The following PDCD1 variants were observed in gnomAD, a reference collection of about 807,000 sequenced individuals.
PDCD1 encodes the protein programmed cell death protein 1.
PDCD1 carries 10 observed loss-of-function variants against 23.6 expected under a neutral mutation model. That is an observed-to-expected ratio of 0.42 (90% CI 0.26 to 0.72). The LOEUF (loss-of-function observed/expected upper bound fraction) is 0.72. PDCD1 is among the 30% of genes least tolerant of loss of function. The pLI, the probability that PDCD1 is intolerant of heterozygous loss-of-function variation, is 0.24. For synonymous variants in PDCD1, 168 were observed against 169.3 expected (o/e 0.99, Z 0.06); for missense variants, 313 against 397.8 (o/e 0.79, Z 1.81).
intron 1 of PDCD1, among the ~76,000 whole-genome samples, chr2:241,854,534 A>G (rs1328083962): frequency 6.6e-6 from 1 of 152,172 alleles, no homozygotes; most frequent in East Asian, 1.9e-4. Context: ...GCACTCAGAG[A>G]CCTGCCTGAA....
In PDCD1 at chr2:241,852,753, T is replaced by C. The variant is rs758440285; in HGVS notation, c.304A>G (p.Asn102Asp). The change falls in exon 2 of 5, where the codon AAC becomes GAC. Residue 102 changes from asparagine (N) to aspartate (D), a missense_variant. By Grantham distance (23) the Asn-to-Asp change is conservative (BLOSUM62 1). Around this residue, in one of 3 missense-constraint regions of PDCD1, gnomAD observed 135 missense variants for 166.9 expected, o/e 0.81. Transcript: ENST00000334409. ...DCRFRVTQLP[N>D]GRDFHMSVVR... Reference sequence around the variant, plus strand: ...ACGCTCATGTGGAAGTCACGCCCGTTGGGCAGTTGTGTGACACGGAAGCGG... The same window carrying C: ...ACGCTCATGTGGAAGTCACGCCCGTCGGGCAGTTGTGTGACACGGAAGCGG... 2.5e-6 allele frequency: 4 copies of C among 1,613,970 alleles called. No individual in the cohort carries two copies. The South Asian group carries it at 4.4e-5, about 18-fold the overall frequency.
In PDCD1 at chr2:241,858,887, A is replaced by AGGTGAGC; in HGVS notation, c.-56_-50dup. Reference sequence around the variant, plus strand: ...GCCGCCTTCTCCACTGCTCAGGCGGAGGTGAGCGGAAGGGAAACTGTCCCA... The same window carrying AGGTGAGC: ...GCCGCCTTCTCCACTGCTCAGGCGGAGGTGAGCGGTGAGCGGAAGGGAAACTGTCCCA... On this transcript the variant is annotated 5_prime_UTR_variant, in exon 1 of 5. Transcript: ENST00000334409. 1 of 1,485,330 alleles carries AGGTGAGC rather than the reference A, an allele frequency of 6.7e-7. No homozygotes were observed. Among genetic ancestry groups the AGGTGAGC allele is most frequent in the Non-Finnish European group, 9.2e-7 (1 of 1,088,916 alleles). 92.0% of individuals were successfully genotyped at this position (1,485,330 alleles called of 1,614,324 possible).
chr2:241,858,860 G>A lies in PDCD1; in HGVS notation c.-22C>T, dbSNP rs760812743. The A allele has an allele frequency of 1.1e-5, 17 of 1,556,646 alleles. No individual in the cohort carries two copies. In the African/African-American group the frequency reaches 2.3e-4, roughly 21 times the overall value. On this transcript the variant is annotated 5_prime_UTR_variant, in exon 1 of 5. Transcript: ENST00000334409. ...GCATGCCTGGAGCAGCCCCACCAGA[G>A]TGCCGCCTTCTCCACTGCTCAGGCG... is the stretch of plus-strand genomic sequence containing the variant.
In PDCD1 at chr2:241,850,995, G is replaced by A. The variant is rs1575398902; in HGVS notation, c.*63C>T. On this transcript the variant is annotated 3_prime_UTR_variant, in exon 5 of 5. Coordinates refer to ENST00000334409, the MANE Select transcript of PDCD1 (RefSeq NM_005018.3). ...CTGCACCCTGCCTGCTTCTCCTGAGGAAATGCGCTGACCCGGGCTCATGGT... is the reference window on the plus strand; with the variant it reads ...CTGCACCCTGCCTGCTTCTCCTGAGAAAATGCGCTGACCCGGGCTCATGGT... 1.3e-6 allele frequency: 2 copies of A among 1,554,400 alleles called. No individual in the cohort carries two copies. The highest frequency in any genetic ancestry group is 1.7e-6 in the Non-Finnish European group (2 of 1,148,732).
In PDCD1 at chr2:241,850,602, C is replaced by T. The variant is rs55869797; in HGVS notation, c.*456G>A. 2.5e-3 allele frequency: 1,086 copies of T among 435,452 alleles called. 13 individuals are homozygous for T. The highest frequency in any genetic ancestry group is 0.02 in the African/African-American group (1,013 of 50,956). 27.0% of individuals were successfully genotyped at this position (435,452 alleles called of 1,614,324 possible). On this transcript the variant is annotated 3_prime_UTR_variant, in exon 5 of 5. Transcript: ENST00000334409. The stretch of plus-strand genomic sequence containing the variant: ...CTTGGGCCCTGCGTCCAGGGCGTTT[C>T]GGGATGCCACTGCCAGGGGCACCTT...
rs923526460 is a variant in PDCD1 at position 241,850,083 on chromosome 2, T to G, written c.*975A>C. 1.3e-5 allele frequency: 3 copies of G among 227,748 alleles called. No individual in the cohort carries two copies. The highest frequency in any genetic ancestry group is 4.5e-5 in the African/African-American group (2 of 44,942). The allele number at this position is 227,748 out of a possible 1,614,324, so 14.1% of individuals were successfully genotyped here. On this transcript the variant is annotated 3_prime_UTR_variant, in exon 5 of 5. Coordinates refer to ENST00000334409, the MANE Select transcript of PDCD1 (RefSeq NM_005018.3). ...TAGGCCCCGGGGGAACGCCTGTACC[T>G]TCCCACCCAGGCCCTGGTGGGAGCC...
chr2:241,858,808 C>T lies in PDCD1; in HGVS notation c.31G>A (p.Val11Ile), dbSNP rs142544044. The T allele has an allele frequency of 8.6e-5, 137 of 1,590,134 alleles. No homozygotes were observed. Among genetic ancestry groups the T allele is most frequent in the African/African-American group, 1.3e-4 (10 of 74,610 alleles). Residue 11 changes from valine to isoleucine, a missense_variant, in exon 1 of 5, where the codon GTC becomes ATC. Physicochemically the swap from Val to Ile is conservative, Grantham distance 29. This residue lies in a region of PDCD1 where 135 missense variants were observed against 166.9 expected (regional missense o/e 0.81). Coordinates refer to ENST00000334409, the MANE Select transcript of PDCD1 (RefSeq NM_005018.3). The part of the protein sequence containing the change: MQIPQAPWPV[V>I]WAVLQLGWRP... ...CAGCCCAGTTGTAGCACCGCCCAGA[C>T]GACTGGCCAGGGCGCCTGTGGGATC...
chr2:241,857,366 G>C (rs948407594), intron 1 of PDCD1, among the ~76,000 whole-genome samples: 2 of 152,202 alleles, frequency 1.3e-5, no homozygotes, highest in Non-Finnish European at 2.9e-5. Context: ...TGAGGCACGA[G>C]TGTCAGGCTG....
intron 1 of PDCD1, among the ~76,000 whole-genome samples, chr2:241,853,436 A>G (rs1400407499): frequency 6.6e-6 from 1 of 152,248 alleles, no homozygotes. Flanking sequence ...GCCCCTTGGC[A>G]GGCTCAGGGT....
At chr2:241,852,167 AG>A (rs1700916129) in intron 3 of PDCD1, 30 bp downstream of exon 3, 1 of 1,598,554 alleles carries the variant, frequency 6.3e-7, no homozygotes. Flanking sequence ...GGGTTAGGGC[AG>A]GGCAGGCCGA....
chr2:241,852,361 G>A lies in PDCD1; in HGVS notation c.437-8C>T, dbSNP rs760386033. ...GCACTTCTGCCCTTCTCTCTGGAAG[G>A]GCACAAAGGTCAGGGGTTAGGACGG... On this transcript the variant is annotated splice_region_variant and splice_polypyrimidine_tract_variant and intron_variant, in intron 2 of 4. Transcript: ENST00000334409. The A allele has an allele frequency of 1.0e-5, 16 of 1,553,738 alleles. No homozygotes were observed. In the African/African-American group the frequency reaches 1.9e-4, roughly 19 times the overall value.
chr2:241,856,308 C>T (rs1701026205), intron 1 of PDCD1, among the ~76,000 whole-genome samples: 1 of 152,068 alleles, frequency 6.6e-6, no homozygotes, highest in Admixed American at 6.5e-5. Flanking sequence ...CCATCCTGCA[C>T]GTCCAGCCCT....
At chr2:241,854,951 G>C (rs1575401574) in intron 1 of PDCD1, among the ~76,000 whole-genome samples, 3 of 152,346 alleles carry the variant, frequency 2.0e-5, no homozygotes, top group African/African-American at 7.2e-5. Flanking sequence ...TCTGTGCATT[G>C]TTCTTGTAAC....
At position 241,858,781 on chromosome 2, in the gene PDCD1, G is replaced by A. The variant is rs866653159; in HGVS notation, c.58C>T (p.Arg20Trp). 14 of 1,592,314 alleles carry A rather than the reference G, an allele frequency of 8.8e-6. No individual in the cohort carries two copies. In the South Asian group the frequency reaches 1.1e-4, roughly 13 times the overall value. Residue 20 changes from arginine to tryptophan, a missense_variant, in exon 1 of 5, where the codon CGG becomes TGG. By Grantham distance (101) the Arg-to-Trp change is moderately radical. Transcript: ENST00000334409. ...VVWAVLQLGWRPGWFLDSPDR... is the reference protein window; with the variant it reads ...VVWAVLQLGWWPGWFLDSPDR... Reference sequence around the variant, plus strand: ...CACCTACCTAAGAACCATCCTGGCCGCCAGCCCAGTTGTAGCACCGCCCAG... The same window carrying A: ...CACCTACCTAAGAACCATCCTGGCCACCAGCCCAGTTGTAGCACCGCCCAG...
intron 4 of PDCD1, 60 bp from the exon 5 acceptor site, chr2:241,851,357 G>A (rs1370826711): frequency 7.1e-6 from 11 of 1,538,538 alleles, no homozygotes; most frequent in South Asian, 2.5e-5. Context: ...GGAGGCCCGC[G>A]GCTCCACAGC....
chr2:241,851,211 G>C lies in PDCD1; in HGVS notation c.714C>G (p.Pro238=), dbSNP rs975903440. The C allele has an allele frequency of 6.2e-7, 1 of 1,613,414 alleles. No individual in the cohort carries two copies. The highest frequency in any genetic ancestry group is 2.2e-5 in the East Asian group (1 of 44,828). Residue 238 remains proline (P), a synonymous_variant, in exon 5 of 5, where the codon CCC becomes CCG. Coordinates refer to ENST00000334409, the MANE Select transcript of PDCD1 (RefSeq NM_005018.3). ...CCGTCTGCTCAGGGACACAGGGCAC[G>C]GGGGGCTCCGGGGTCTTCTCTCGCC... is the stretch of plus-strand genomic sequence containing the variant. ...FQWREKTPEP[P]VPCVPEQTEY...
rs1284638279 is a variant in PDCD1, at chr2:241,851,283, T to G, written c.642A>C (p.Ser214=). ...RTGQPLKEDP[S]AVPVFSVDYG... ...AGTCCACAGAGAACACAGGCACGGC[T>G]GAGGGGTCCTCCTTCTTTGAGGAGA... The change falls in exon 5 of 5, where the codon TCA becomes TCC. Residue 214 remains serine, a synonymous_variant. Coordinates refer to ENST00000334409, the MANE Select transcript of PDCD1 (RefSeq NM_005018.3). 1 of 1,609,302 alleles carries G rather than the reference T, an allele frequency of 6.2e-7. No homozygotes were observed. Among genetic ancestry groups the G allele is most frequent in the African/African-American group, 1.3e-5 (1 of 74,760 alleles).
rs779397029 is a variant in PDCD1, at chr2:241,851,999, C to T, written c.593-16G>A. ...CCTATTGTCCCTGCAGAGAAACACACTTGGGGTCACCAGGCCGACCCTGAG... is the reference window on the plus strand; with the variant it reads ...CCTATTGTCCCTGCAGAGAAACACATTTGGGGTCACCAGGCCGACCCTGAG... On this transcript the variant is annotated splice_polypyrimidine_tract_variant and intron_variant, in intron 3 of 4. Coordinates refer to ENST00000334409, the MANE Select transcript of PDCD1 (RefSeq NM_005018.3). The T allele has an allele frequency of 1.9e-6, 3 of 1,609,712 alleles. No homozygotes were observed. Among genetic ancestry groups the T allele is most frequent in the Admixed American group, 1.7e-5 (1 of 59,488 alleles).
At chr2:241,856,363 C>T (rs926165210) in intron 1 of PDCD1, among the ~76,000 whole-genome samples, 9 of 152,214 alleles carry the variant, frequency 5.9e-5, no homozygotes, top group African/African-American at 1.7e-4. Flanking sequence ...ACTCGGTCGG[C>T]GGAGCTTTGT....
Sources: gnomAD v4.1 joint callset for allele counts (sites outside exome capture counted in the v4.1 genomes callset) on GRCh38, gnomAD v4.1.1 for gene constraint, gnomAD v4.1.1 regional missense constraint, MANE v1.5 for transcripts, NCBI Gene and HGNC (gene_info 2026-07-23, HGNC 2026-07-21) for gene names.